The following COTL1 variants were observed in gnomAD, a reference collection of about 807,000 sequenced individuals.
COTL1 encodes coactosin like F-actin binding protein 1.
Under a neutral mutation model 16.5 loss-of-function variants are expected in COTL1, and 15 were observed. The observed-to-expected ratio is 0.91, with a 90% CI of 0.61 to 1.40. The LOEUF is 1.40. Among genes scored for constraint, COTL1 ranks in the 40% most tolerant of loss-of-function variants. COTL1 has a pLI of 0.00. For synonymous variants in COTL1, 112 were observed against 85.3 expected, an observed-to-expected ratio of 1.31 and a Z score of -1.73; for missense variants, 220 against 201.5, an observed-to-expected ratio of 1.09 and a Z score of -0.56.
intron 3 of COTL1, among the ~76,000 whole-genome samples, chr16:84,584,246 AG>A (rs1225010052): frequency 3.9e-5 from 6 of 152,246 alleles, no homozygotes; most frequent in African/African-American, 1.4e-4. Flanking sequence ...CGCCCTGCCC[AG>A]CTTGCCTGGC....
intron 2 of COTL1, among the ~76,000 whole-genome samples, chr16:84,603,348 T>C (rs990769604): frequency 2.0e-5 from 3 of 152,244 alleles, no homozygotes; most frequent in Admixed American, 2.0e-4. Flanking sequence ...CAACGAAGTG[T>C]GACTCAGCCA....
In COTL1 at chr16:84,617,994, G is replaced by T; in HGVS notation, c.-80C>A. 9.6e-7 allele frequency: 1 copy of T among 1,037,956 alleles called. No homozygotes were observed. The highest frequency in any genetic ancestry group is 1.3e-6 in the Non-Finnish European group (1 of 797,152). 64.3% of individuals were successfully genotyped at this position (1,037,956 alleles called of 1,614,324 possible). A position where few individuals can be genotyped will look rare whatever the true frequency, so the allele number is the denominator to read the frequency against. On this transcript the variant is annotated 5_prime_UTR_variant, in exon 1 of 4. Coordinates refer to ENST00000262428, the MANE Select transcript of COTL1 (RefSeq NM_021149.5). ...GGCGGCGGGGATGGGAGCGCGGCGG[G>T]TACGCGCCGAGGGCGCACGGGCTGG...
chr16:84,598,078 G>C (rs1260359460), intron 2 of COTL1, among the ~76,000 whole-genome samples: 2 of 152,204 alleles, frequency 1.3e-5, no homozygotes, highest in Non-Finnish European at 2.9e-5. Context: ...CCCATCCTGA[G>C]GACGGTGGTT....
At chr16:84,597,456 C>G (rs1305794395) in intron 2 of COTL1, among the ~76,000 whole-genome samples, 2 of 152,200 alleles carry the variant, frequency 1.3e-5, no homozygotes, top group Non-Finnish European at 2.9e-5. Context: ...AAAGTGTGGT[C>G]CTCGGACCAG....
chr16:84,585,416 T>C (rs1476936914), intron 3 of COTL1, among the ~76,000 whole-genome samples: 1 of 151,652 alleles, frequency 6.6e-6, no homozygotes, highest in African/African-American at 2.4e-5. Flanking sequence ...ACCGTGCAAT[T>C]AATTTACACC....
chr16:84,567,024 G>A lies in COTL1; in HGVS notation c.319-69C>T. ...GGCACAGGATGTGAGGGTGGCTCAG[G>A]CAACACACTGGGAAGCAAAGCACTG... On this transcript the variant is annotated intron_variant, in intron 3 of 3. Coordinates refer to ENST00000262428, the MANE Select transcript of COTL1 (RefSeq NM_021149.5). The A allele has an allele frequency of 2.8e-6, 3 of 1,061,072 alleles. No individual in the cohort carries two copies. The South Asian group carries it at 3.8e-5, about 13-fold the overall frequency. The allele number at this position is 1,061,072 out of a possible 1,614,324, so 65.7% of individuals were successfully genotyped here. A position where few individuals can be genotyped will look rare whatever the true frequency, so the allele number is the denominator to read the frequency against.
At chr16:84,615,329 G>A (rs1287820596) in intron 2 of COTL1, among the ~76,000 whole-genome samples, 4 of 152,242 alleles carry the variant, frequency 2.6e-5, no homozygotes, top group African/African-American at 9.6e-5. Context: ...ATCCCTGGGG[G>A]GCAGGAGGTG....
intron 2 of COTL1, among the ~76,000 whole-genome samples, chr16:84,591,212 CTCG>C (rs1904852358): frequency 7.0e-6 from 1 of 143,036 alleles, no homozygotes; most frequent in Non-Finnish European, 1.5e-5. Flanking sequence ...GAGACAGAGT[CTCG>C]CTCTGTCGCC....
At chr16:84,603,950 C>G (rs1223723981) in intron 2 of COTL1, among the ~76,000 whole-genome samples, 5 of 149,138 alleles carry the variant, frequency 3.4e-5, no homozygotes, top group African/African-American at 1.2e-4. Flanking sequence ...TACCCACCTC[C>G]CCCCACTTTC....
At chr16:84,589,890 T>C (rs1407029108) in intron 3 of COTL1, among the ~76,000 whole-genome samples, 1 of 152,152 alleles carries the variant, frequency 6.6e-6, no homozygotes, top group Non-Finnish European at 1.5e-5. Context: ...ATGGGATAGG[T>C]GGGATCGTAA....
At chr16:84,572,753 C>CT (rs988869256) in intron 3 of COTL1, among the ~76,000 whole-genome samples, 2 of 149,766 alleles carry the variant, frequency 1.3e-5, no homozygotes, top group East Asian at 2.0e-4. Flanking sequence ...TCTTTCTTTC[C>CT]TTTTTTTTCT....
intron 1 of COTL1, 33 bp from the exon 2 acceptor site, chr16:84,617,616 C>A (rs968662845): frequency 6.5e-7 from 1 of 1,540,578 alleles, no homozygotes; most frequent in African/African-American, 1.4e-5. Context: ...AACACACACA[C>A]ACATCAGCGC....
chr16:84,591,689 G>A lies in COTL1; in HGVS notation c.161-1427C>T, dbSNP rs556854582. ...AACCAAAAAATTAGCTGGGCACGGT[G>A]GCAGGCACCTGTAGTCCCAGCTACC... is the stretch of plus-strand genomic sequence containing the variant. On this transcript the variant is annotated intron_variant, in intron 2 of 3. Transcript: ENST00000262428. Among the ~76,000 whole-genome samples the A allele has an allele frequency of 1.7e-3, 257 of 147,912 alleles. 1 individual carries two copies. The highest frequency in any genetic ancestry group is 6.2e-3 in the African/African-American group (249 of 40,420).
At chr16:84,604,171 A>T (rs1400667399) in intron 2 of COTL1, among the ~76,000 whole-genome samples, 1 of 30,340 alleles carries the variant, frequency 3.3e-5, no homozygotes, top group Non-Finnish European at 6.4e-5. Flanking sequence ...CACCTACACT[A>T]CCCCCTACTC....
At chr16:84,609,541 C>T (rs150757034) in intron 2 of COTL1, among the ~76,000 whole-genome samples, 234 of 152,362 alleles carry the variant, frequency 1.5e-3, no homozygotes, top group African/African-American at 5.3e-3. Context: ...TGATGGGGGC[C>T]TCACTTTCTC....
rs1484239859 is a variant in COTL1 at position 84,590,016 on chromosome 16, A to G, written c.318+89T>C. ...GTCCCAAGTCACAGCTAAGCTACAG[A>G]CCCAGGAGTCGAACCCAGCCCTCTC... On this transcript the variant is annotated intron_variant, in intron 3 of 3. Transcript: ENST00000262428. This position sits in a 1 kb window ranked among gnomAD's most constrained non-coding sequence, Gnocchi z 5.5. The G allele has an allele frequency of 3.0e-6, 4 of 1,348,042 alleles. No individual in the cohort carries two copies. In the African/African-American group the frequency reaches 5.8e-5, roughly 20 times the overall value. The allele number at this position is 1,348,042 out of a possible 1,614,324, so 83.5% of individuals were successfully genotyped here. A position where few individuals can be genotyped will look rare whatever the true frequency, so the allele number is the denominator to read the frequency against.
At chr16:84,602,072 C>A (rs888879231) in intron 2 of COTL1, among the ~76,000 whole-genome samples, 2 of 152,150 alleles carry the variant, frequency 1.3e-5, no homozygotes. Context: ...CCTAGCACAT[C>A]CAAAGCACCC....
At chr16:84,584,949 A>C (rs747117452) in intron 3 of COTL1, among the ~76,000 whole-genome samples, 31 of 152,174 alleles carry the variant, frequency 2.0e-4, no homozygotes, top group Non-Finnish European at 4.0e-4. Context: ...CTGGCTCCAA[A>C]GTCCACCGTA....
At chr16:84,573,752 A>AATAT (rs1199133175) in intron 3 of COTL1, among the ~76,000 whole-genome samples, 116 of 148,384 alleles carry the variant, frequency 7.8e-4, no homozygotes, top group African/African-American at 2.3e-3. Context: ...AAAAAAAAAA[A>AATAT]ATATATATAT....
Sources: gnomAD v4.1 joint callset for allele counts (sites outside exome capture counted in the v4.1 genomes callset) on GRCh38, gnomAD v4.1.1 for gene constraint, Gnocchi (gnomAD v3.1) non-coding constraint, MANE v1.5 for transcripts, NCBI Gene and HGNC (gene_info 2026-07-23, HGNC 2026-07-21) for gene names.